Variants in NCOR2 observed in about 807,000 individuals in gnomAD.
The protein encoded by NCOR2 is CTG repeat protein 26.
A neutral mutation model predicts 262.9 loss-of-function variants in NCOR2; 81 were observed. That is an observed-to-expected ratio of 0.31 (90% confidence interval 0.26 to 0.37). The LOEUF is 0.37. Among genes scored for constraint, NCOR2 ranks in the 10% least tolerant of loss-of-function variants. NCOR2 has a pLI of 1.00. For synonymous variants in NCOR2, 1,659 were observed against 1,559.3 expected (o/e 1.06, Z -1.51); for missense variants, 3,385 against 3,621.4 (o/e 0.93, Z 1.68).
intron 37 of NCOR2, 29 bp downstream of exon 39, chr12:124,339,977 G>C: frequency 1.6e-6 from 2 of 1,229,542 alleles, no homozygotes; most frequent in Admixed American, 2.5e-5. Flanking sequence ...CCACCTGCCC[G>C]CCCCCTCCCC....
At chr12:124,464,558 C>T (rs548830278) in intron 5 of NCOR2, among the ~76,000 whole-genome samples, 14 of 152,206 alleles carry the variant, frequency 9.2e-5, no homozygotes, top group Non-Finnish European at 1.6e-4. Context: ...AGTAGTTCTA[C>T]TAAATGCAAA....
At chr12:124,358,661 A>T (rs1305776698) in intron 22 of NCOR2, among the ~76,000 whole-genome samples, 3 of 152,194 alleles carry the variant, frequency 2.0e-5, no homozygotes, top group Non-Finnish European at 4.4e-5. Context: ...TTCACCAGCA[A>T]ATACTTAGCC....
chr12:124,402,941 A>T (rs2042062105), intron 13 of NCOR2, among the ~76,000 whole-genome samples: 1 of 152,170 alleles, frequency 6.6e-6, no homozygotes, highest in Non-Finnish European at 1.5e-5. Context: ...CCTGTGCCTC[A>T]GCTGAGGGCT....
intron 1 of NCOR2, chr12:124,542,658 C>T (rs1209214843): frequency 6.6e-6 from 1 of 152,400 alleles, no homozygotes; most frequent in African/African-American, 2.4e-5. Flanking sequence ...CAGAAGCCTT[C>T]CCTGCAGGCT....
At chr12:124,333,832 G>A (rs1324789886) in intron 41 of NCOR2, among the ~76,000 whole-genome samples, 2 of 150,846 alleles carry the variant, frequency 1.3e-5, no homozygotes, top group African/African-American at 2.5e-5. Flanking sequence ...AGGGGTGTGC[G>A]GGTGCGCCTG....
chr12:124,519,025 C>T (rs2050010641), intron 1 of NCOR2, among the ~76,000 whole-genome samples: 1 of 151,502 alleles, frequency 6.6e-6, no homozygotes, highest in Admixed American at 6.6e-5. Flanking sequence ...GACCCCCTCA[C>T]ACTGGCATTC....
At chr12:124,556,993 G>A (rs960645012) in intron 1 of NCOR2, among the ~76,000 whole-genome samples, 10 of 152,268 alleles carry the variant, frequency 6.6e-5, no homozygotes, top group African/African-American at 1.2e-4. Context: ...CAGCGAGGCC[G>A]GTGTGGCTGA....
intron 1 of NCOR2, among the ~76,000 whole-genome samples, chr12:124,502,044 A>C (rs1036811209): frequency 2.0e-4 from 30 of 152,194 alleles, no homozygotes; most frequent in African/African-American, 7.2e-4. Context: ...TGCAGTAAAA[A>C]CTGGGGAACT....
At chr12:124,550,352 C>A (rs1183676105) in intron 1 of NCOR2, among the ~76,000 whole-genome samples, 2 of 151,902 alleles carry the variant, frequency 1.3e-5, no homozygotes, top group Non-Finnish European at 2.9e-5. Context: ...GAGGCGGGAC[C>A]TGAACCCAGG....
At chr12:124,434,251 G>C (rs567631210) in intron 8 of NCOR2, among the ~76,000 whole-genome samples, 2 of 152,112 alleles carry the variant, frequency 1.3e-5, no homozygotes, top group Non-Finnish European at 2.9e-5. Flanking sequence ...GGTGAGGCAG[G>C]CACATCAGAG....
At chr12:124,325,144 CCCCTTCCCCT>C (rs1735373560) in exon 47 of NCOR2, 1 of 333,362 alleles carries the variant, frequency 3.0e-6, no homozygotes, top group Admixed American at 4.9e-5. Flanking sequence ...CCCTCCCCGG[CCCCTTCCCCT>C]CCCTTCCCGA....
At chr12:124,392,399 C>A (rs574353037) in intron 16 of NCOR2, among the ~76,000 whole-genome samples, 2 of 152,322 alleles carry the variant, frequency 1.3e-5, no homozygotes, top group African/African-American at 4.8e-5. Flanking sequence ...TGCACCCTCC[C>A]TAGTGGTCTC....
chr12:124,384,538 C>G (rs1252568719), intron 17 of NCOR2, among the ~76,000 whole-genome samples: 1 of 152,178 alleles, frequency 6.6e-6, no homozygotes, highest in African/African-American at 2.4e-5. Flanking sequence ...GTCCCGGAGC[C>G]ACCAGCGGCC....
chr12:124,479,994 G>A (rs759098223), intron 3 of NCOR2, among the ~76,000 whole-genome samples: 2 of 152,242 alleles, frequency 1.3e-5, no homozygotes, highest in South Asian at 2.1e-4. Flanking sequence ...GCAGGCAGTC[G>A]GCGCTCACTT....
At chr12:124,332,560 A>C in intron 42 of NCOR2, 93 bp from the exon 45 acceptor site, 1 of 1,551,632 alleles carries the variant, frequency 6.4e-7, no homozygotes. Flanking sequence ...TGCCTTAGAC[A>C]TTTGGAAGCA....
chr12:124,374,428 C>T (rs371284044), exon 19 of NCOR2: 2 of 1,612,974 alleles, frequency 1.2e-6, no homozygotes, highest in African/African-American at 1.3e-5. Flanking sequence ...CCACTGCATT[C>T]CCCTCTGGGC....
At chr12:124,547,388 G>A (rs753466771) in intron 1 of NCOR2, among the ~76,000 whole-genome samples, 9 of 152,286 alleles carry the variant, frequency 5.9e-5, no homozygotes, top group Middle Eastern at 6.8e-3. Flanking sequence ...AGGAAAAGAT[G>A]GAGTGTATAT....
In NCOR2 at chr12:124,466,264, G is replaced by A. The variant is rs1360133266; in HGVS notation, c.614C>T (p.Ala205Val). The A allele has an allele frequency of 3.7e-6, 6 of 1,607,602 alleles. No homozygotes were observed. The highest frequency in any genetic ancestry group is 4.2e-6 in the Non-Finnish European group (5 of 1,178,670). ...GGGCTTCTCAGGCTCGGGCGGCTTGGCAGCCTCCTCCTCCAGCTGTTGCTG... is the reference window on the plus strand; with the variant it reads ...GGGCTTCTCAGGCTCGGGCGGCTTGACAGCCTCCTCCTCCAGCTGTTGCTG... The change falls in exon 5 of 47, where the codon GCC (alanine) becomes GTC (valine). Residue 205 changes from alanine (A) to valine (V), a missense_variant. Around this residue, in one of 5 missense-constraint regions of NCOR2, gnomAD observed 515 missense variants for 781.2 expected, o/e 0.66. Coordinates refer to ENST00000405201, the Ensembl canonical transcript of NCOR2.
At position 124,333,886 on chromosome 12, in the gene NCOR2, A is replaced by ATGTG. The variant is rs771184483; in HGVS notation, c.6605+534_6605+537dup. Among the ~76,000 whole-genome samples, 790 of 120,426 alleles carry ATGTG rather than the reference A, an allele frequency of 6.6e-3. 30 individuals carry two copies. Among genetic ancestry groups the ATGTG allele is most frequent in the East Asian group, 0.015 (60 of 3,926 alleles). 79.0% of individuals were successfully genotyped at this position (120,426 alleles called of 152,430 possible). Reference sequence around the variant, plus strand: ...TGTGTGCGCATGTGTGCGGGTGTGCATGTGTGTGTGCGCGCGCATGTGTGC... The same window carrying ATGTG: ...TGTGTGCGCATGTGTGCGGGTGTGCATGTGTGTGTGTGTGCGCGCGCATGTGTGC... On this transcript the variant is annotated intron_variant, in intron 41 of 46. Transcript: ENST00000405201.
Sources: allele counts gnomAD v4.1 joint callset (sites outside exome capture counted in the v4.1 genomes callset), GRCh38; gene constraint gnomAD v4.1.1; regional missense constraint gnomAD v4.1.1; transcripts MANE v1.5; gene names NCBI Gene and HGNC (gene_info 2026-07-23, HGNC 2026-07-21).